PPARGC1A: variants seen among roughly 807,000 people sequenced by gnomAD.
The protein encoded by PPARGC1A is PPARG coactivator 1 alpha.
A neutral mutation model predicts 88.7 loss-of-function variants in PPARGC1A; 25 were observed. That is an observed-to-expected ratio of 0.28 (90% CI 0.21 to 0.39). The LOEUF is 0.39. Ranked by LOEUF, PPARGC1A falls within the 10% of genes least tolerant of loss-of-function variation. The pLI, the probability that PPARGC1A is intolerant of heterozygous loss-of-function variation, is 1.00. For missense variants in PPARGC1A, 880 were observed against 968.7 expected, an observed-to-expected ratio of 0.91 and a Z score of 1.22; for synonymous variants, 363 against 355.6, an observed-to-expected ratio of 1.02 and a Z score of -0.24.
the PPARGC1A span, among the ~76,000 whole-genome samples, chr4:24,187,543 T>G: frequency 2.0e-5 from 3 of 152,214 alleles, no homozygotes; most frequent in Non-Finnish European, 4.4e-5. Flanking sequence ...TAACCTGGCT[T>G]AGGTAAGTTT....
chr4:23,911,918 C>G, the PPARGC1A span, among the ~76,000 whole-genome samples: 3 of 152,116 alleles, frequency 2.0e-5, no homozygotes, highest in African/African-American at 7.2e-5. Flanking sequence ...AACTAAAAAG[C>G]ACCTGTTTTT....
At chr4:24,091,356 G>T in the PPARGC1A span, 5 of 820,364 alleles carry the variant, frequency 6.1e-6, no homozygotes, top group South Asian at 2.8e-4. Context: ...TCAAAAGGAC[G>T]TGCTTGCAGA....
intron 2 of PPARGC1A, among the ~76,000 whole-genome samples, chr4:23,872,246 C>T (rs1713540032): frequency 6.6e-6 from 1 of 152,218 alleles, no homozygotes; most frequent in Admixed American, 6.5e-5. Flanking sequence ...TCAGGTCAGA[C>T]TTGCACACTG....
Position 23,813,851 on chromosome 4 carries a change from G to C in PPARGC1A, c.1632C>G (p.Asn544Lys). 1.2e-6 allele frequency: 2 copies of C among 1,614,104 alleles called. No homozygotes were observed. The highest frequency in any genetic ancestry group is 1.7e-6 in the Non-Finnish European group (2 of 1,179,978). Residue 544 changes from asparagine to lysine, a missense_variant, in exon 8 of 13, where the codon AAC (asparagine) becomes AAG (lysine). Transcript: ENST00000264867. Reference sequence around the variant, plus strand: ...GTGACACAGAATCTCTACATGGAGAGTTAAAAGAAGAACAAGAAGGAGACA... The same window carrying C: ...GTGACACAGAATCTCTACATGGAGACTTAAAAGAAGAACAAGAAGGAGACA... ...FNVSPSCSSF[N>K]SPCRDSVSPP...
At chr4:24,259,235 T>C in the PPARGC1A span, among the ~76,000 whole-genome samples, 1 of 152,220 alleles carries the variant, frequency 6.6e-6, no homozygotes, top group Non-Finnish European at 1.5e-5. Flanking sequence ...AAGCCGATGA[T>C]GTGAGGGTCA....
the PPARGC1A span, among the ~76,000 whole-genome samples, chr4:24,003,375 A>G: frequency 6.6e-6 from 1 of 152,126 alleles, no homozygotes; most frequent in South Asian, 2.1e-4. Flanking sequence ...AACAATACCT[A>G]AGGCCTAAAA....
the PPARGC1A span, among the ~76,000 whole-genome samples, chr4:24,181,498 C>T: frequency 3.9e-5 from 6 of 152,098 alleles, no homozygotes; most frequent in African/African-American, 1.4e-4. Context: ...CTAGCTATTA[C>T]TATTGTAGGT....
At chr4:24,374,195 C>A in the PPARGC1A span, among the ~76,000 whole-genome samples, 22 of 152,304 alleles carry the variant, frequency 1.4e-4, no homozygotes, top group Admixed American at 3.3e-4. Flanking sequence ...TTTAGAAAAG[C>A]CTCCATTTCA....
At chr4:23,800,138 A>C (rs1013635257) in intron 12 of PPARGC1A, among the ~76,000 whole-genome samples, 2 of 152,180 alleles carry the variant, frequency 1.3e-5, no homozygotes, top group Non-Finnish European at 2.9e-5. Context: ...AAGAAAAAAA[A>C]TCCCTGTATT....
chr4:24,002,093 C>G, the PPARGC1A span, among the ~76,000 whole-genome samples: 2,281 of 135,234 alleles, frequency 0.017, 45 homozygotes, highest in African/African-American at 0.064. Flanking sequence ...CACACACACA[C>G]ACACAGAGAG....
the PPARGC1A span, among the ~76,000 whole-genome samples, chr4:24,443,232 T>G: frequency 6.8e-6 from 1 of 146,846 alleles, no homozygotes; most frequent in East Asian, 2.0e-4. Context: ...AACGTCACTA[T>G]TTTAGTTTGA....
At chr4:23,919,562 AG>A in the PPARGC1A span, among the ~76,000 whole-genome samples, 85,849 of 139,792 alleles carry the variant, frequency 0.61, 25,494 homozygotes, top group African/African-American at 0.71. Flanking sequence ...AAAAAAAAAA[AG>A]AAGTGAATTG....
chr4:24,428,747 A>C, the PPARGC1A span, among the ~76,000 whole-genome samples: 2 of 152,230 alleles, frequency 1.3e-5, no homozygotes, highest in African/African-American at 4.8e-5. Flanking sequence ...TAATAGGAAG[A>C]TATTCAGGCT....
the PPARGC1A span, among the ~76,000 whole-genome samples, chr4:23,951,722 C>T: frequency 6.6e-6 from 1 of 152,104 alleles, no homozygotes; most frequent in Non-Finnish European, 1.5e-5. Flanking sequence ...CTAAACTCTT[C>T]AATTTATTGA....
the PPARGC1A span, among the ~76,000 whole-genome samples, chr4:24,197,181 G>C: frequency 2.0e-5 from 3 of 152,136 alleles, no homozygotes; most frequent in Admixed American, 6.5e-5. Flanking sequence ...ACCCAAGAAG[G>C]GGGGATCAAG....
At chr4:24,232,324 G>A in the PPARGC1A span, among the ~76,000 whole-genome samples, 5 of 152,238 alleles carry the variant, frequency 3.3e-5, no homozygotes, top group Admixed American at 1.3e-4. Context: ...TCTCACATCC[G>A]TTTAACTAGT....
chr4:24,457,761 A>C, the PPARGC1A span, among the ~76,000 whole-genome samples: 53 of 152,076 alleles, frequency 3.5e-4, no homozygotes, highest in Non-Finnish European at 5.6e-4. Flanking sequence ...GATGGGGTTT[A>C]ACCATGTTAG....
the PPARGC1A span, among the ~76,000 whole-genome samples, chr4:23,924,930 T>C: frequency 6.6e-6 from 1 of 152,168 alleles, no homozygotes; most frequent in African/African-American, 2.4e-5. Context: ...GAGTGATGGA[T>C]TCATGGTGCA....
chr4:24,050,194 CTTTTGT>C, the PPARGC1A span, among the ~76,000 whole-genome samples: 1 of 127,808 alleles, frequency 7.8e-6, no homozygotes, highest in African/African-American at 2.9e-5. Flanking sequence ...CTTAGGTGAC[CTTTTGT>C]TTTTTTTTTT....
Sources: allele counts gnomAD v4.1 joint callset (sites outside exome capture counted in the v4.1 genomes callset), GRCh38; gene constraint gnomAD v4.1.1; transcripts MANE v1.5; gene names NCBI Gene and HGNC (gene_info 2026-07-23, HGNC 2026-07-21).